RPA3: variants seen among roughly 807,000 people sequenced by gnomAD.
RPA3 encodes replication protein A 14 kDa subunit.
In RPA3, 24 loss-of-function variants were observed where a neutral mutation model predicts 13.7. The observed-to-expected ratio is 1.75, with a 90% CI of 1.27 to 2.46. The LOEUF is 2.46. Among genes scored for constraint, RPA3 ranks in the 30% most tolerant of loss-of-function variants. RPA3 has a pLI of 0.00. For synonymous variants in RPA3, 59 were observed against 51.2 expected (o/e 1.15, Z -0.65); for missense variants, 183 against 151.0 (o/e 1.21, Z -1.11).
At chr7:7,671,832 T>G (rs1256248244) in intron 4 of RPA3, among the ~76,000 whole-genome samples, 1 of 152,224 alleles carries the variant, frequency 6.6e-6, no homozygotes, top group Non-Finnish European at 1.5e-5. Context: ...TATTACTATA[T>G]CCAGTAAGCA....
intron 2 of RPA3, among the ~76,000 whole-genome samples, chr7:7,711,230 C>A (rs558212823): frequency 6.6e-6 from 1 of 152,144 alleles, no homozygotes. Context: ...CATATAATTT[C>A]TCCAATCTGC....
intron 4 of RPA3, among the ~76,000 whole-genome samples, chr7:7,672,480 T>C (rs979424615): frequency 6.6e-6 from 1 of 152,206 alleles, no homozygotes; most frequent in Non-Finnish European, 1.5e-5. Context: ...GGTACTGATA[T>C]GGTTTGGTTC....
chr7:7,669,482 A>G (rs1181429781), intron 4 of RPA3, among the ~76,000 whole-genome samples: 2 of 152,212 alleles, frequency 1.3e-5, no homozygotes, highest in African/African-American at 2.4e-5. Flanking sequence ...AAAGAATATC[A>G]TGGGATTAAG....
chr7:7,674,344 A>G (rs1779686113), intron 4 of RPA3, among the ~76,000 whole-genome samples: 1 of 152,152 alleles, frequency 6.6e-6, no homozygotes, highest in Admixed American at 6.5e-5. Flanking sequence ...AATGCTCTGT[A>G]GGCTTTGAGA....
chr7:7,701,909 T>A (rs571140100), intron 2 of RPA3, among the ~76,000 whole-genome samples: 1 of 152,342 alleles, frequency 6.6e-6, no homozygotes, highest in South Asian at 2.1e-4. Context: ...ATTTCTGCCA[T>A]CTCTCTGCCA....
intron 4 of RPA3, among the ~76,000 whole-genome samples, chr7:7,650,381 C>T (rs1405554647): frequency 6.6e-6 from 1 of 152,116 alleles, no homozygotes; most frequent in African/African-American, 2.4e-5. Flanking sequence ...TATTATCTTT[C>T]TGTGGTATAG....
chr7:7,697,937 G>A (rs1780358778), intron 2 of RPA3, among the ~76,000 whole-genome samples: 1 of 152,112 alleles, frequency 6.6e-6, no homozygotes, highest in Non-Finnish European at 1.5e-5. Flanking sequence ...CTTCATGAGG[G>A]CTGTGAAATA....
chr7:7,639,737 TA>T (rs1784922726), intron 5 of RPA3, among the ~76,000 whole-genome samples: 1 of 152,236 alleles, frequency 6.6e-6, no homozygotes, highest in South Asian at 2.1e-4. Context: ...AATGAGCTAC[TA>T]AATAAGTCTT....
At chr7:7,700,332 T>TA (rs1308224794) in intron 2 of RPA3, among the ~76,000 whole-genome samples, 1 of 152,198 alleles carries the variant, frequency 6.6e-6, no homozygotes, top group Non-Finnish European at 1.5e-5. Flanking sequence ...AAAGGTCTCC[T>TA]AATACCATCA....
intron 4 of RPA3, among the ~76,000 whole-genome samples, chr7:7,664,360 C>T (rs560378525): frequency 6.6e-6 from 1 of 152,288 alleles, no homozygotes; most frequent in East Asian, 1.9e-4. Context: ...CTCTAGCATG[C>T]TATTTTACAT....
At chr7:7,651,547 T>G (rs1176220193) in intron 4 of RPA3, among the ~76,000 whole-genome samples, 1 of 152,230 alleles carries the variant, frequency 6.6e-6, no homozygotes, top group Non-Finnish European at 1.5e-5. Context: ...TTTGGGTACG[T>G]ATTTTTCCAT....
chr7:7,707,185 A>AC (rs1297977278), intron 2 of RPA3, among the ~76,000 whole-genome samples: 1 of 152,100 alleles, frequency 6.6e-6, no homozygotes, highest in Non-Finnish European at 1.5e-5. Flanking sequence ...AGTTTTTACA[A>AC]CCCTGTGTGA....
chr7:7,668,142 G>A (rs1393402725), intron 4 of RPA3, among the ~76,000 whole-genome samples: 1 of 151,870 alleles, frequency 6.6e-6, no homozygotes, highest in Non-Finnish European at 1.5e-5. Context: ...TCAACTCTTG[G>A]GCTCAAGCAA....
In RPA3 at chr7:7,655,527, G is replaced by A. The variant is rs531508925; in HGVS notation, c.-757-14352C>T. Among the ~76,000 whole-genome samples, 12 of 152,252 alleles carry A rather than the reference G, an allele frequency of 7.9e-5. No individual in the cohort carries two copies. In the South Asian group the frequency reaches 1.7e-3, roughly 21 times the overall value. ...CTTGATGCTCTATAATTGATTTGTA[G>A]CTCACCATCTTCCAACTTCCTAAGT... On this transcript the variant is annotated intron_variant, in intron 4 of 7. Coordinates refer to ENST00000223129, the MANE Select transcript of RPA3 (RefSeq NM_002947.5).
intron 4 of RPA3, among the ~76,000 whole-genome samples, chr7:7,641,977 G>C (rs1225347087): frequency 2.0e-5 from 3 of 152,198 alleles, no homozygotes; most frequent in African/African-American, 7.2e-5. Context: ...AACAGATGTA[G>C]AATGTGTGTC....
chr7:7,683,399 A>C (rs759938494), intron 4 of RPA3, among the ~76,000 whole-genome samples: 19 of 152,044 alleles, frequency 1.2e-4, no homozygotes, highest in Middle Eastern at 3.2e-3. Context: ...ACTACAGTTC[A>C]CTCTCTAATA....
chr7:7,654,802 G>C lies in RPA3; in HGVS notation c.-757-13627C>G, dbSNP rs187430836. Among the ~76,000 whole-genome samples, 798 of 151,866 alleles carry C rather than the reference G, an allele frequency of 5.3e-3. 2 individuals are homozygous for C. Among genetic ancestry groups the C allele is most frequent in the Non-Finnish European group, 9.1e-3 (616 of 67,958 alleles). On this transcript the variant is annotated intron_variant, in intron 4 of 7. Transcript: ENST00000223129. ...GCCTGTAATCCCAGCTACTCTGGAGGCTGAGGCAGGAGAATCGCTTGAACC... is the reference window on the plus strand; with the variant it reads ...GCCTGTAATCCCAGCTACTCTGGAGCCTGAGGCAGGAGAATCGCTTGAACC...
chr7:7,681,817 T>C (rs1207419419), intron 4 of RPA3, among the ~76,000 whole-genome samples: 1 of 152,172 alleles, frequency 6.6e-6, no homozygotes, highest in East Asian at 1.9e-4. Flanking sequence ...ATTACAAATT[T>C]ACTAGTGTAG....
chr7:7,694,855 C>T (rs1024208895), intron 2 of RPA3, among the ~76,000 whole-genome samples: 1 of 152,154 alleles, frequency 6.6e-6, no homozygotes, highest in African/African-American at 2.4e-5. Context: ...CATGTGAGTA[C>T]AGCTATATCT....
Sources: gnomAD v4.1 joint callset for allele counts (sites outside exome capture counted in the v4.1 genomes callset) on GRCh38, gnomAD v4.1.1 for gene constraint, MANE v1.5 for transcripts, NCBI Gene and HGNC (gene_info 2026-07-23, HGNC 2026-07-21) for gene names.